The following RIPOR3 variants were observed in gnomAD, a reference collection of about 807,000 sequenced individuals.
RIPOR3 encodes RIPOR family member 3.
Under a neutral mutation model 114.3 loss-of-function variants are expected in RIPOR3, and 95 were observed. That is an observed-to-expected ratio of 0.83 (90% CI 0.70 to 0.99). The LOEUF is 0.99. RIPOR3 is among the 50% of genes least tolerant of loss of function. The pLI, the probability that RIPOR3 is intolerant of heterozygous loss-of-function variation, is 0.00. For synonymous variants in RIPOR3, 575 were observed against 543.8 expected, an observed-to-expected ratio of 1.06 and a Z score of -0.80; for missense variants, 1,252 against 1,266.9, an observed-to-expected ratio of 0.99 and a Z score of 0.18.
intron 17 of RIPOR3, among the ~76,000 whole-genome samples, 174 bp downstream of exon 17, chr20:50,594,379 C>G (rs1465490991): frequency 6.6e-6 from 1 of 152,138 alleles, no homozygotes. Flanking sequence ...CCTTCTCGCC[C>G]GGTGAAAGGG....
At chr20:50,594,415 AGCT>A (rs2083217949) in intron 17 of RIPOR3, 135 bp downstream of exon 17, 1 of 1,053,572 alleles carries the variant, frequency 9.5e-7, no homozygotes, top group Non-Finnish European at 1.4e-6. Context: ...AAGCTGAGAA[AGCT>A]CCTCCGTCCG....
chr20:50,608,747 C>G lies in RIPOR3; in HGVS notation c.685-9G>C. On this transcript the variant is annotated splice_polypyrimidine_tract_variant and intron_variant, in intron 9 of 21. Coordinates refer to ENST00000327979, the MANE Select transcript of RIPOR3 (RefSeq NM_001290268.2). ...CCCAGACGCATGAGCACCTGTGAAC[C>G]AGCCCGAGAGGGGCCGCGTCAGCCC... The G allele has an allele frequency of 6.2e-7, 1 of 1,613,874 alleles. No individual in the cohort carries two copies. The highest frequency in any genetic ancestry group is 8.5e-7 in the Non-Finnish European group (1 of 1,179,830).
At chr20:50,606,213 A>G (rs918957453) in intron 11 of RIPOR3, among the ~76,000 whole-genome samples, 9 of 152,112 alleles carry the variant, frequency 5.9e-5, no homozygotes, top group Admixed American at 3.3e-4. Context: ...CTCAAAAAGA[A>G]AAAAAGAAAC....
Position 50,691,113 on chromosome 20 carries a change from A to C in RIPOR3, c.3+13T>G, listed in dbSNP as rs1297212512. The C allele has an allele frequency of 1.5e-5, 19 of 1,289,296 alleles. No individual in the cohort carries two copies. The highest frequency in any genetic ancestry group is 1.9e-5 in the Non-Finnish European group (19 of 988,850). The allele number at this position is 1,289,296 out of a possible 1,614,324, so 79.9% of individuals were successfully genotyped here. A position where few individuals can be genotyped will look rare whatever the true frequency, so the allele number is the denominator to read the frequency against. On this transcript the variant is annotated intron_variant, in intron 1 of 21. Coordinates refer to ENST00000327979, the MANE Select transcript of RIPOR3 (RefSeq NM_001290268.2). ...GTCACGGCACACATGGGGAGCAGTC[A>C]CTTCACACTCACCATCGAGCAGGTC...
intron 17 of RIPOR3, among the ~76,000 whole-genome samples, chr20:50,594,110 A>C (rs2083204316): frequency 6.6e-6 from 1 of 152,138 alleles, no homozygotes; most frequent in South Asian, 2.1e-4. Context: ...CTCTACTAAA[A>C]ATACAAAAAA....
At chr20:50,671,998 A>G (rs1298066304) in intron 1 of RIPOR3, among the ~76,000 whole-genome samples, 2 of 134,408 alleles carry the variant, frequency 1.5e-5, no homozygotes, top group African/African-American at 5.5e-5. Context: ...GGATGGATGG[A>G]TGGATGGATG....
At chr20:50,622,506 A>G (rs2084452575) in intron 2 of RIPOR3, among the ~76,000 whole-genome samples, 1 of 152,080 alleles carries the variant, frequency 6.6e-6, no homozygotes, top group African/African-American at 2.4e-5. Context: ...ATAGGGGACT[A>G]CTGGCCCTTC....
chr20:50,597,895 A>C (rs1028066671), intron 13 of RIPOR3, among the ~76,000 whole-genome samples, 185 bp from the exon 14 acceptor site: 1 of 152,118 alleles, frequency 6.6e-6, no homozygotes, highest in Admixed American at 6.5e-5. Context: ...TCACCCCCCA[A>C]AGTCCCTCCT....
At chr20:50,599,747 G>T (rs2083431790) in intron 13 of RIPOR3, among the ~76,000 whole-genome samples, 1 of 152,124 alleles carries the variant, frequency 6.6e-6, no homozygotes, top group South Asian at 2.1e-4. Flanking sequence ...CTATCACTCT[G>T]CCCGGCCCCA....
At chr20:50,673,743 T>C (rs1037096064) in intron 1 of RIPOR3, among the ~76,000 whole-genome samples, 2 of 152,324 alleles carry the variant, frequency 1.3e-5, no homozygotes, top group African/African-American at 2.4e-5. Context: ...CACGCCTCCA[T>C]GCTCTCCTCA....
chr20:50,596,937 C>T (rs2083311882), intron 14 of RIPOR3: 1 of 152,516 alleles, frequency 6.6e-6, no homozygotes, highest in Non-Finnish European at 1.5e-5. Flanking sequence ...ACTGCTGCAC[C>T]TTGGTTAGGG....
At chr20:50,604,522 C>G in intron 12 of RIPOR3, 123 bp downstream of exon 12, 1 of 1,391,200 alleles carries the variant, frequency 7.2e-7, no homozygotes, top group Non-Finnish European at 9.6e-7. Flanking sequence ...AGGATCGCCT[C>G]AAACGGAAGC....
At chr20:50,686,893 A>G (rs894115508) in intron 1 of RIPOR3, among the ~76,000 whole-genome samples, 16 of 152,158 alleles carry the variant, frequency 1.1e-4, no homozygotes, top group Admixed American at 1.3e-4. Flanking sequence ...GGCCTGGACT[A>G]TAAGAGAGCG....
intron 1 of RIPOR3, among the ~76,000 whole-genome samples, chr20:50,690,250 A>T (rs2087163483): frequency 6.6e-6 from 1 of 152,216 alleles, no homozygotes; most frequent in Non-Finnish European, 1.5e-5. Flanking sequence ...TTGGAACAAA[A>T]CCTAGTTGAG....
rs1230670585 is a variant in RIPOR3, at chr20:50,609,993, CA to C, written c.427-272del. On this transcript the variant is annotated intron_variant, in intron 6 of 21. Coordinates refer to ENST00000327979, the MANE Select transcript of RIPOR3 (RefSeq NM_001290268.2). ...CCTGCCACCCCTACCACCCCTGCCTCACCTGCCACCCCTGCCTCACCTGCCA... is the reference window on the plus strand; with the variant it reads ...CCTGCCACCCCTACCACCCCTGCCTCCCTGCCACCCCTGCCTCACCTGCCA... 5.6e-3 allele frequency among the ~76,000 whole-genome samples: 742 copies of C among 133,504 alleles called. 85 individuals are homozygous for C. The highest frequency in any genetic ancestry group is 7.9e-3 in the Non-Finnish European group (469 of 59,680). 87.6% of individuals were successfully genotyped at this position (133,504 alleles called of 152,430 possible). A position where few individuals can be genotyped will look rare whatever the true frequency, so the allele number is the denominator to read the frequency against.
intron 2 of RIPOR3, chr20:50,620,933 G>T: frequency 1.8e-6 from 1 of 541,812 alleles, no homozygotes; most frequent in East Asian, 4.3e-5. Context: ...GCATGCTATG[G>T]AGTTACTGAA....
chr20:50,622,988 G>A (rs987351149), intron 2 of RIPOR3, among the ~76,000 whole-genome samples: 1 of 152,150 alleles, frequency 6.6e-6, no homozygotes, highest in Admixed American at 6.6e-5. Context: ...TGCAGGCCAG[G>A]CACTGTGGCT....
intron 1 of RIPOR3, chr20:50,661,979 G>T (rs1043760393): frequency 1.4e-4 from 21 of 152,488 alleles, no homozygotes; most frequent in Admixed American, 1.2e-3. Flanking sequence ...GACTGCTGCA[G>T]CCTCCGTTGT....
intron 2 of RIPOR3, among the ~76,000 whole-genome samples, chr20:50,629,068 T>A (rs2084726576): frequency 6.7e-6 from 1 of 149,820 alleles, no homozygotes; most frequent in Non-Finnish European, 1.5e-5. Context: ...GGTGGAGGAG[T>A]GGGGTAGGAG....
Sources: gnomAD v4.1 joint callset for allele counts (sites outside exome capture counted in the v4.1 genomes callset) on GRCh38, gnomAD v4.1.1 for gene constraint, MANE v1.5 for transcripts, NCBI Gene and HGNC (gene_info 2026-07-23, HGNC 2026-07-21) for gene names.